NEBL: variants seen among roughly 807,000 people sequenced by gnomAD.
NEBL encodes the protein LIM and SH3 protein 2.
NEBL carries 122 observed loss-of-function variants against 140.2 expected under a neutral mutation model. That is an observed-to-expected ratio of 0.87 (90% confidence interval 0.75 to 1.01). The LOEUF is 1.01. NEBL is among the 50% of genes least tolerant of loss of function. The pLI, the probability that NEBL is intolerant of heterozygous loss-of-function variation, is 0.00. For synonymous variants in NEBL, 436 were observed against 398.9 expected, an observed-to-expected ratio of 1.09 and a Z score of -1.11; for missense variants, 1,365 against 1,231.3, an observed-to-expected ratio of 1.11 and a Z score of -1.62.
intron 2 of NEBL, among the ~76,000 whole-genome samples, chr10:21,113,740 C>T (rs553286403): frequency 6.6e-6 from 1 of 152,078 alleles, no homozygotes; most frequent in Admixed American, 6.6e-5. Flanking sequence ...TCCATACATG[C>T]TTAAAGTATG....
chr10:21,093,185 T>C (rs563737033), intron 2 of NEBL, among the ~76,000 whole-genome samples: 1 of 122,106 alleles, frequency 8.2e-6, no homozygotes, highest in Non-Finnish European at 1.8e-5. Flanking sequence ...CAGAGCCAAA[T>C]GAAGATTCTT....
At chr10:21,036,438 G>A (rs916393671) in intron 2 of NEBL, among the ~76,000 whole-genome samples, 7 of 151,850 alleles carry the variant, frequency 4.6e-5, no homozygotes, top group Non-Finnish European at 8.8e-5. Context: ...TGGGCAACAC[G>A]GCAAGGATCT....
intron 3 of NEBL, among the ~76,000 whole-genome samples, chr10:21,182,134 C>T (rs555482332): frequency 6.7e-5 from 10 of 149,700 alleles, no homozygotes; most frequent in Admixed American, 4.0e-4. Flanking sequence ...AATTTAACCA[C>T]GGACAGGATA....
In NEBL at chr10:20,896,495, T is replaced by TATATATATATAC. The variant is rs1332906082; in HGVS notation, c.153+462_153+463insGTATATATATAT. On this transcript the variant is annotated intron_variant, in intron 2 of 27. Coordinates refer to ENST00000377122, the MANE Select transcript of NEBL (RefSeq NM_006393.3). Reference sequence around the variant, plus strand: ...TAAATATTATATGCATATATATATATATATATATATATATATATATATGCA... The same window carrying TATATATATATAC: ...TAAATATTATATGCATATATATATATATATATATATACATATATATATATATATATATATGCA... Among the ~76,000 whole-genome samples, 99 of 67,960 alleles carry TATATATATATAC rather than the reference T, an allele frequency of 1.5e-3. 2 individuals are homozygous for TATATATATATAC. Among genetic ancestry groups the TATATATATATAC allele is most frequent in the Non-Finnish European group, 2.9e-3 (91 of 31,234 alleles). The allele number at this position is 67,960 out of a possible 152,430, so 44.6% of individuals were successfully genotyped here. A position where few individuals can be genotyped will look rare whatever the true frequency, so the allele number is the denominator to read the frequency against.
chr10:21,075,144 A>G (rs1217181918), intron 2 of NEBL, among the ~76,000 whole-genome samples: 1 of 152,148 alleles, frequency 6.6e-6, no homozygotes, highest in Non-Finnish European at 1.5e-5. Flanking sequence ...ATAACCAGAA[A>G]GAAGAAAGTA....
intron 1 of NEBL, among the ~76,000 whole-genome samples, chr10:21,255,516 A>C (rs1269609843): frequency 6.6e-6 from 1 of 152,198 alleles, no homozygotes; most frequent in Non-Finnish European, 1.5e-5. Flanking sequence ...ACAATAAATA[A>C]AATTGTAAAT....
chr10:21,161,770 T>C lies in NEBL; in HGVS notation c.164+10613A>G, dbSNP rs558651847. ...ATGTAAAGAGGCAACCCATCAAAGG[T>C]AGCTTTGATGGCGACAGTGTGAAGC... On this transcript the variant is annotated intron_variant, in intron 2 of 6. Coordinates refer to the NEBL transcript ENST00000417816. 2.4e-3 allele frequency among the ~76,000 whole-genome samples: 372 copies of C among 152,172 alleles called. 4 individuals are homozygous for C. Among genetic ancestry groups the C allele is most frequent in the Middle Eastern group, 6.8e-3 (2 of 294 alleles).
At chr10:21,174,132 C>A in exon 1 of NEBL, 1 of 668,948 alleles carries the variant, frequency 1.5e-6, no homozygotes, top group South Asian at 6.5e-5. Flanking sequence ...CACAGTCACT[C>A]GCGCCCGCCC....
chr10:20,994,680 C>T lies in NEBL; in HGVS notation c.249+25437G>A, dbSNP rs1188887828. Among the ~76,000 whole-genome samples the T allele has an allele frequency of 2.0e-5, 3 of 152,062 alleles. No homozygotes were observed. In the East Asian group the frequency reaches 5.8e-4, roughly 29 times the overall value. On this transcript the variant is annotated intron_variant, in intron 3 of 6. Transcript: ENST00000417816. ...TATTCACTGGAAGCTTTACTGATAA[C>T]ATAAACAGTCGATTAACACATAGTT...
intron 3 of NEBL, among the ~76,000 whole-genome samples, chr10:20,992,725 G>A (rs72790536): frequency 0.068 from 10,069 of 147,210 alleles, 538 homozygotes; most frequent in African/African-American, 0.15. Flanking sequence ...TTTCTCCGTA[G>A]GCCAACTACA....
At chr10:20,840,626 T>C (rs1193456698) in intron 13 of NEBL, 113 bp downstream of exon 13, 4 of 749,096 alleles carry the variant, frequency 5.3e-6, no homozygotes. Flanking sequence ...TATAGCTGTT[T>C]ACAATCACTT....
At chr10:20,799,800 G>A (rs955169227) in intron 26 of NEBL, among the ~76,000 whole-genome samples, 2 of 152,064 alleles carry the variant, frequency 1.3e-5, no homozygotes, top group Admixed American at 6.6e-5. Context: ...AATCAGGAGT[G>A]TATTTTCTTC....
intron 2 of NEBL, among the ~76,000 whole-genome samples, chr10:21,251,130 G>A (rs1482497554): frequency 6.7e-6 from 1 of 148,840 alleles, no homozygotes; most frequent in Non-Finnish European, 1.5e-5. Context: ...ATTTTTGCTT[G>A]TGATATTTTA....
intron 2 of NEBL, among the ~76,000 whole-genome samples, chr10:21,134,930 T>A (rs186964368): frequency 6.6e-6 from 1 of 152,342 alleles, no homozygotes; most frequent in East Asian, 1.9e-4. Context: ...TTGTGGTCTA[T>A]GTACACACAT....
intron 2 of NEBL, chr10:21,110,695 T>C (rs934922384): frequency 5.9e-5 from 29 of 487,450 alleles, no homozygotes; most frequent in South Asian, 4.1e-4. Context: ...GAAGGCTCAG[T>C]GGACATGGAC....
At chr10:21,169,511 T>G (rs986374031) in intron 2 of NEBL, among the ~76,000 whole-genome samples, 7 of 152,224 alleles carry the variant, frequency 4.6e-5, no homozygotes, top group Non-Finnish European at 1.0e-4. Flanking sequence ...CAGAGGGCAA[T>G]CCATACTGCC....
At chr10:21,235,219 C>T (rs1842332008) in intron 3 of NEBL, among the ~76,000 whole-genome samples, 1 of 152,090 alleles carries the variant, frequency 6.6e-6, no homozygotes, top group Non-Finnish European at 1.5e-5. Flanking sequence ...TCACTTGAGT[C>T]CAGGAGGTTG....
chr10:20,819,151 G>C (rs1162869948), intron 20 of NEBL: 3 of 865,554 alleles, frequency 3.5e-6, no homozygotes, highest in Admixed American at 3.5e-5. Context: ...TTGTACAGAT[G>C]ACTTCATCAC....
chr10:20,975,485 C>T (rs1836753182), intron 3 of NEBL, among the ~76,000 whole-genome samples: 2 of 152,114 alleles, frequency 1.3e-5, no homozygotes, highest in South Asian at 4.2e-4. Flanking sequence ...TTCTCTTTGT[C>T]AGCACCATCA....
Sources: allele counts gnomAD v4.1 joint callset (sites outside exome capture counted in the v4.1 genomes callset), GRCh38; gene constraint gnomAD v4.1.1; transcripts MANE v1.5; gene names NCBI Gene and HGNC (gene_info 2026-07-23, HGNC 2026-07-21).